C12orf42: variants seen among roughly 807,000 people sequenced by gnomAD.
C12orf42 encodes uncharacterized protein C12orf42.
A neutral mutation model predicts 21.6 loss-of-function variants in C12orf42; 25 were observed. That is an observed-to-expected ratio of 1.16 (90% CI 0.84 to 1.62). The LOEUF is 1.62. Ranked by LOEUF, C12orf42 falls within the 40% of genes most tolerant of loss-of-function variation. The pLI is 0.00. For missense variants in C12orf42, 483 were observed against 459.3 expected, an observed-to-expected ratio of 1.05 and a Z score of -0.47; for synonymous variants, 174 against 175.0, an observed-to-expected ratio of 0.99 and a Z score of 0.05.
the C12orf42 span, among the ~76,000 whole-genome samples, chr12:103,058,676 C>T: frequency 6.6e-6 from 1 of 152,216 alleles, no homozygotes. Context: ...GGTCAAGAAA[C>T]TCACTCAAAC....
At chr12:103,092,056 T>C in the C12orf42 span, among the ~76,000 whole-genome samples, 1 of 152,200 alleles carries the variant, frequency 6.6e-6, no homozygotes, top group Non-Finnish European at 1.5e-5. Flanking sequence ...TTTTGTTTGT[T>C]TGTTTGGTTT....
chr12:103,419,335 C>A (rs756643386), intron 2 of C12orf42, among the ~76,000 whole-genome samples: 1 of 152,078 alleles, frequency 6.6e-6, no homozygotes. Context: ...AGCCAAGATA[C>A]GTTTTATACT....
At chr12:103,255,398 G>A (rs2034513172) in intron 10 of C12orf42, among the ~76,000 whole-genome samples, 1 of 151,936 alleles carries the variant, frequency 6.6e-6, no homozygotes, top group South Asian at 2.1e-4. Context: ...ACAAAAAAAT[G>A]TGTGTGTGTA....
intron 2 of C12orf42, among the ~76,000 whole-genome samples, chr12:103,439,662 C>T (rs866309245): frequency 2.6e-5 from 4 of 151,450 alleles, no homozygotes; most frequent in African/African-American, 9.7e-5. Flanking sequence ...AAAAAATGCT[C>T]ATCATCACTG....
At chr12:103,178,701 A>G in the C12orf42 span, 1 of 152,224 alleles carries the variant, frequency 6.6e-6, no homozygotes, top group Non-Finnish European at 1.5e-5. Context: ...CATGTGGACA[A>G]TATTTGTTCT....
chr12:103,429,815 A>G (rs12296693), intron 2 of C12orf42, among the ~76,000 whole-genome samples: 29,133 of 152,072 alleles, frequency 0.19, 3,356 homozygotes, highest in East Asian at 0.35. Context: ...AAATAATGCC[A>G]CATATCTACA....
the C12orf42 span, among the ~76,000 whole-genome samples, chr12:103,120,502 A>G: frequency 6.6e-6 from 1 of 152,160 alleles, no homozygotes; most frequent in Non-Finnish European, 1.5e-5. Flanking sequence ...GAATCATCAG[A>G]GGCAGAGGTG....
chr12:103,262,964 T>C (rs1181596477), intron 10 of C12orf42, among the ~76,000 whole-genome samples: 1 of 152,186 alleles, frequency 6.6e-6, no homozygotes, highest in Non-Finnish European at 1.5e-5. Flanking sequence ...CATGGAATAC[T>C]ATGCAGCCAT....
chr12:103,386,673 T>G (rs150042077), intron 3 of C12orf42, among the ~76,000 whole-genome samples: 1 of 152,300 alleles, frequency 6.6e-6, no homozygotes, highest in East Asian at 1.9e-4. Context: ...TCTTGCAACA[T>G]AGGATTGCTC....
chr12:103,110,218 A>G, the C12orf42 span, among the ~76,000 whole-genome samples: 2 of 152,234 alleles, frequency 1.3e-5, no homozygotes, highest in East Asian at 3.8e-4. Context: ...GGATAAAAAA[A>G]TCAGAGAAAG....
At chr12:103,410,710 G>A (rs990155860) in intron 2 of C12orf42, among the ~76,000 whole-genome samples, 4 of 152,354 alleles carry the variant, frequency 2.6e-5, no homozygotes. Flanking sequence ...GGTGAAAACA[G>A]AGGAGTTATT....
chr12:103,094,344 T>C, the C12orf42 span, among the ~76,000 whole-genome samples: 1 of 152,204 alleles, frequency 6.6e-6, no homozygotes, highest in African/African-American at 2.4e-5. Flanking sequence ...TATATAGGTA[T>C]CAAAACCAAT....
At chr12:103,156,860 T>A in the C12orf42 span, among the ~76,000 whole-genome samples, 2 of 152,222 alleles carry the variant, frequency 1.3e-5, no homozygotes, top group Non-Finnish European at 2.9e-5. Flanking sequence ...CACATTTTTT[T>A]ATCCAGTCTA....
the C12orf42 span, among the ~76,000 whole-genome samples, chr12:103,088,257 G>T: frequency 6.6e-6 from 1 of 152,306 alleles, no homozygotes; most frequent in East Asian, 1.9e-4. Flanking sequence ...TTTTGTTATT[G>T]TTGTTTCCCA....
the C12orf42 span, among the ~76,000 whole-genome samples, chr12:103,513,765 G>A: frequency 4.5e-4 from 68 of 152,176 alleles, 1 homozygote; most frequent in African/African-American, 1.6e-3. Flanking sequence ...ATACATGCTG[G>A]ACAAATGAAT....
intron 2 of C12orf42, among the ~76,000 whole-genome samples, chr12:103,414,315 CA>C (rs1312574911): frequency 6.6e-6 from 1 of 150,400 alleles, no homozygotes; most frequent in Admixed American, 6.6e-5. Flanking sequence ...GTCCTTAGCC[CA>C]CTTTTTTATG....
the C12orf42 span, among the ~76,000 whole-genome samples, chr12:103,516,133 C>T: frequency 2.0e-4 from 31 of 152,242 alleles, no homozygotes; most frequent in African/African-American, 6.7e-4. Context: ...ACTTGATGTG[C>T]CATTTAATAT....
At chr12:103,102,963 C>T in the C12orf42 span, among the ~76,000 whole-genome samples, 7 of 152,116 alleles carry the variant, frequency 4.6e-5, no homozygotes, top group East Asian at 1.3e-3. Flanking sequence ...CTAGAAGTCA[C>T]CTATTATTCC....
At chr12:103,234,794 C>CAT (rs1229696872), downstream of C12orf42, among the ~76,000 whole-genome samples, 1 of 152,116 alleles carries the variant, frequency 6.6e-6, no homozygotes, top group Non-Finnish European at 1.5e-5. Context: ...TCCTTCTGAA[C>CAT]ATATATACAG....
Sources: gnomAD v4.1 joint callset for allele counts (sites outside exome capture counted in the v4.1 genomes callset) on GRCh38, gnomAD v4.1.1 for gene constraint, MANE v1.5 for transcripts, NCBI Gene and HGNC (gene_info 2026-07-23, HGNC 2026-07-21) for gene names.